Variants in FAAH2 observed in about 807,000 individuals in gnomAD.
FAAH2 encodes the protein fatty-acid amide hydrolase 2.
FAAH2 carries 60 observed loss-of-function variants against 36.9 expected under a neutral mutation model. The observed-to-expected ratio is 1.63, with a 90% CI of 1.32 to 2.02. The LOEUF is 2.02. Ranked by LOEUF, FAAH2 falls within the 30% of genes most tolerant of loss-of-function variation. FAAH2 has a pLI of 0.00. For synonymous variants in FAAH2, 214 were observed against 143.8 expected, an observed-to-expected ratio of 1.49 and a Z score of -3.49; for missense variants, 689 against 397.5, an observed-to-expected ratio of 1.73 and a Z score of -6.23.
At chrX:57,187,599 T>A in the FAAH2 span, among the ~76,000 whole-genome samples, 1 of 110,548 alleles carries the variant, frequency 9.0e-6, no homozygotes, top group Non-Finnish European at 1.9e-5. Flanking sequence ...CTTCCAATAC[T>A]ATATTGAATA....
At chrX:57,209,625 A>G in the FAAH2 span, among the ~76,000 whole-genome samples, 1 of 111,247 alleles carries the variant, frequency 9.0e-6, no homozygotes, top group Admixed American at 9.5e-5. Context: ...TCAGAGCCAT[A>G]AGCTTTTTAG....
chrX:57,228,930 C>T, the FAAH2 span: 1 of 111,434 alleles, frequency 9.0e-6, no homozygotes, highest in African/African-American at 3.3e-5. Context: ...ACAGACACAG[C>T]ATCCCAATTC....
At chrX:57,391,806 C>CT (rs1208547810) in intron 7 of FAAH2, among the ~76,000 whole-genome samples, 1 of 110,048 alleles carries the variant, frequency 9.1e-6, no homozygotes, top group Non-Finnish European at 1.9e-5. Flanking sequence ...TCTTCAGGCT[C>CT]TTTTTTTGTT....
chrX:57,171,274 C>G, the FAAH2 span, among the ~76,000 whole-genome samples: 1 of 111,612 alleles, frequency 9.0e-6, no homozygotes, highest in Non-Finnish European at 1.9e-5. Context: ...GGTAGATACT[C>G]AGTAGTGGGA....
the FAAH2 span, among the ~76,000 whole-genome samples, chrX:57,252,298 C>T: frequency 7.1e-5 from 8 of 112,811 alleles, no homozygotes; most frequent in East Asian, 2.2e-3. Flanking sequence ...TAGATTCCAC[C>T]TCTGGGGAGA....
chrX:57,245,007 T>C, the FAAH2 span, among the ~76,000 whole-genome samples: 2 of 110,246 alleles, frequency 1.8e-5, no homozygotes, highest in Non-Finnish European at 3.8e-5. Flanking sequence ...AAGAAACACA[T>C]AGGCTCAAAA....
chrX:57,188,203 G>A, the FAAH2 span, among the ~76,000 whole-genome samples: 1 of 110,505 alleles, frequency 9.0e-6, no homozygotes, highest in Non-Finnish European at 1.9e-5. Context: ...GGCATTTTTT[G>A]GTGGGTAGGT....
the FAAH2 span, among the ~76,000 whole-genome samples, chrX:57,149,208 C>G: frequency 9.0e-6 from 1 of 111,459 alleles, no homozygotes; most frequent in East Asian, 2.8e-4. Flanking sequence ...GGATATTGGT[C>G]TACAATTCTC....
the FAAH2 span, among the ~76,000 whole-genome samples, chrX:57,217,780 A>G: frequency 4.5e-5 from 5 of 111,558 alleles, no homozygotes; most frequent in South Asian, 3.7e-4. Context: ...TTTTGTTTCC[A>G]TATGAATTTT....
chrX:57,201,106 G>T, the FAAH2 span, among the ~76,000 whole-genome samples: 1 of 106,505 alleles, frequency 9.4e-6, no homozygotes, highest in Non-Finnish European at 1.9e-5. Flanking sequence ...CTCTCTCCTG[G>T]CCTGTAAGGT....
chrX:57,342,699 G>T (rs2053718071), intron 5 of FAAH2, among the ~76,000 whole-genome samples: 1 of 110,402 alleles, frequency 9.1e-6, no homozygotes, highest in Non-Finnish European at 1.9e-5. Flanking sequence ...CATGTGGTTT[G>T]GTGTACAAAT....
At chrX:57,466,156 C>CTCTCTCTCTATATATA (rs1287266105) in intron 10 of FAAH2, among the ~76,000 whole-genome samples, 47 of 66,384 alleles carry the variant, frequency 7.1e-4, no homozygotes, top group African/African-American at 1.5e-3. Flanking sequence ...CTCTCTCTCT[C>CTCTCTCTCTATATATA]TATATATATA....
At chrX:57,183,177 T>C in the FAAH2 span, among the ~76,000 whole-genome samples, 1 of 111,342 alleles carries the variant, frequency 9.0e-6, no homozygotes, top group African/African-American at 3.3e-5. Flanking sequence ...AGTTTATCTA[T>C]ATAACAAACC....
chrX:57,155,862 C>T, the FAAH2 span, among the ~76,000 whole-genome samples: 1 of 111,930 alleles, frequency 8.9e-6, no homozygotes, highest in Non-Finnish European at 1.9e-5. Flanking sequence ...CCTGCTTCTC[C>T]TCTACCCCTG....
intron 3 of FAAH2, among the ~76,000 whole-genome samples, chrX:57,320,940 C>T (rs1327199875): frequency 9.0e-6 from 1 of 111,166 alleles, no homozygotes; most frequent in African/African-American, 3.3e-5. Flanking sequence ...AGATCGAGAC[C>T]ATCCTGGCTA....
chrX:57,447,096 TC>T, intron 9 of FAAH2, 57 bp downstream of exon 9: 1 of 920,045 alleles, frequency 1.1e-6, no homozygotes, highest in Non-Finnish European at 1.5e-6. Flanking sequence ...TTTCTTAATA[TC>T]TAAATATAAA....
rs2052014712 is a variant in FAAH2, at chrX:57,292,512, T to A, written c.207T>A (p.Asp69Glu). Residue 69 changes from aspartate (D) to glutamate (E), a missense_variant, in exon 2 of 11, where the codon GAT becomes GAA. Coordinates refer to ENST00000374900, the MANE Select transcript of FAAH2 (RefSeq NM_174912.4). The part of the protein sequence containing the change: ...LIRQRKVKCI[D>E]VVQAYINRIK... ...GTATTTTGCAGGTGAAATGTATAGATGTTGTTCAGGCTTATATCAACAGAA... is the reference window on the plus strand; with the variant it reads ...GTATTTTGCAGGTGAAATGTATAGAAGTTGTTCAGGCTTATATCAACAGAA... 2.5e-6 allele frequency: 3 copies of A among 1,207,143 alleles called. No individual in the cohort carries two copies. Among genetic ancestry groups the A allele is most frequent in the African/African-American group, 3.5e-5 (2 of 57,122 alleles).
chrX:57,186,562 T>C, the FAAH2 span, among the ~76,000 whole-genome samples: 3 of 112,257 alleles, frequency 2.7e-5, no homozygotes, highest in African/African-American at 9.7e-5. Context: ...AACTCTTTAG[T>C]TTAATTAGAT....
At chrX:57,210,481 A>G in the FAAH2 span, among the ~76,000 whole-genome samples, 1 of 112,369 alleles carries the variant, frequency 8.9e-6, no homozygotes, top group Non-Finnish European at 1.9e-5. Flanking sequence ...GCAATGCAAT[A>G]TATAATATGA....
Sources: allele counts gnomAD v4.1 joint callset (sites outside exome capture counted in the v4.1 genomes callset), GRCh38; gene constraint gnomAD v4.1.1; transcripts MANE v1.5; gene names NCBI Gene and HGNC (gene_info 2026-07-23, HGNC 2026-07-21).